The following NAA60 variants were observed in gnomAD, a reference collection of about 807,000 sequenced individuals.
NAA60 encodes the protein N-alpha-acetyltransferase 60, NatF catalytic subunit.
NAA60 carries 8 observed loss-of-function variants against 26.1 expected under a neutral mutation model. The ratio of observed to expected loss-of-function variants is 0.31; its 90% confidence interval spans 0.18 to 0.55. The LOEUF is 0.55. Among genes scored for constraint, NAA60 ranks in the 20% least tolerant of loss-of-function variants. The pLI is 0.93. For missense variants in NAA60, 290 were observed against 311.3 expected (o/e 0.93, Z 0.51); for synonymous variants, 131 against 122.5 (o/e 1.07, Z -0.46).
chr16:3,483,559 C>T lies in NAA60; in HGVS notation c.534C>T (p.Val178=), dbSNP rs770159785. 2 of 1,612,854 alleles carry T rather than the reference C, an allele frequency of 1.2e-6. No individual in the cohort carries two copies. Among genetic ancestry groups the T allele is most frequent in the Non-Finnish European group, 1.7e-6 (2 of 1,179,612 alleles). ...RGVLKDGFTY[V]LYINGGHPPW... ...TCCTCAAAGATGGCTTCACCTATGT[C>T]CTCTACATCAACGGCGGCCACCCTC... The change falls in exon 6 of 8, where the codon GTC becomes GTT. Residue 178 remains valine (V), a synonymous_variant. Coordinates refer to ENST00000407558, the MANE Select transcript of NAA60 (RefSeq NM_001083601.3).
intron 5 of NAA60, 66 bp from the exon 6 acceptor site, chr16:3,483,297 T>C: frequency 8.2e-7 from 1 of 1,219,720 alleles, no homozygotes; most frequent in African/African-American, 1.5e-5. Context: ...AAAGCCCCCA[T>C]CCTAGCCCAG....
chr16:3,464,496 C>T (rs1211831840), intron 2 of NAA60, among the ~76,000 whole-genome samples: 2 of 152,152 alleles, frequency 1.3e-5, no homozygotes, highest in Non-Finnish European at 2.9e-5. Flanking sequence ...GGGCTTTCTC[C>T]TTTTAAACTG....
intron 2 of NAA60, among the ~76,000 whole-genome samples, chr16:3,460,634 G>A (rs1426609645): frequency 1.3e-5 from 2 of 152,160 alleles, no homozygotes; most frequent in Non-Finnish European, 2.9e-5. Context: ...CAAAGTTCTG[G>A]GATTACAGGC....
At chr16:3,455,090 T>A (rs1186629624) in intron 2 of NAA60, among the ~76,000 whole-genome samples, 1 of 152,240 alleles carries the variant, frequency 6.6e-6, no homozygotes, top group Non-Finnish European at 1.5e-5. Flanking sequence ...GTCACTTTGT[T>A]GCCCAGGCTG....
intron 3 of NAA60, among the ~76,000 whole-genome samples, chr16:3,478,088 T>TAATAATAAA (rs543097524): frequency 0.059 from 8,787 of 150,100 alleles, 359 homozygotes; most frequent in Non-Finnish European, 0.079. Context: ...ATAATAATAA[T>TAATAATAAA]AAATAGGCCT....
chr16:3,466,285 G>T (rs1198984555), intron 2 of NAA60, among the ~76,000 whole-genome samples: 3 of 152,218 alleles, frequency 2.0e-5, no homozygotes, highest in Admixed American at 6.5e-5. Flanking sequence ...GCACATGATG[G>T]TCTTCAGAGA....
chr16:3,461,728 C>G (rs2035407732), intron 2 of NAA60, among the ~76,000 whole-genome samples: 1 of 152,108 alleles, frequency 6.6e-6, no homozygotes, highest in Non-Finnish European at 1.5e-5. Context: ...ACATGCAGAA[C>G]AAATGTTTGA....
chr16:3,482,882 C>T, intron 5 of NAA60: 1 of 540,010 alleles, frequency 1.9e-6, no homozygotes, highest in Non-Finnish European at 3.4e-6. Context: ...ACTGGCACCT[C>T]TCACTTCTGC....
At chr16:3,443,884 C>A (rs1438882733) in intron 1 of NAA60, 47 bp downstream of exon 1, 4 of 1,511,710 alleles carry the variant, frequency 2.6e-6, no homozygotes, top group Non-Finnish European at 3.5e-6. Flanking sequence ...TTCGGTCTGG[C>A]CAGAGCAAGG....
At position 3,456,636 on chromosome 16, in the gene NAA60, AG is replaced by A. The variant is rs528343167; in HGVS notation, c.-7+8098del. ...ACATAGCCTGATCCTGCTGCAGGAG[AG>A]GCTGAGAAATAAAAGCCTAGCTTGA... On this transcript the variant is annotated intron_variant, in intron 2 of 7. Coordinates refer to ENST00000407558, the MANE Select transcript of NAA60 (RefSeq NM_001083601.3). The A allele has an allele frequency of 1.2e-3, 178 of 152,222 alleles. 1 individual carries two copies. Among genetic ancestry groups the A allele is most frequent in the African/African-American group, 4.0e-3 (167 of 41,522 alleles). 9.4% of individuals were successfully genotyped at this position (152,222 alleles called of 1,614,324 possible). A position where few individuals can be genotyped will look rare whatever the true frequency, so the allele number is the denominator to read the frequency against.
chr16:3,469,938 T>G (rs757386840), intron 2 of NAA60, among the ~76,000 whole-genome samples: 28 of 152,208 alleles, frequency 1.8e-4, no homozygotes, highest in Middle Eastern at 3.2e-3. Context: ...CGTGTCTGTC[T>G]CACCATCACT....
At chr16:3,483,953 T>C (rs1330971228) in intron 6 of NAA60, among the ~76,000 whole-genome samples, 1 of 152,178 alleles carries the variant, frequency 6.6e-6, no homozygotes, top group African/African-American at 2.4e-5. Context: ...CAGGATCCCC[T>C]GTCCTCCCAG....
rs558282030 is a variant in NAA60 at position 3,482,839 on chromosome 16, G to T, written c.337+241G>T. ...CATGCCCCCAGGCCTTTCTGCTGCA[G>T]CCTCGCTCAGCCCCCAGGATGGAGC... On this transcript the variant is annotated intron_variant, in intron 5 of 7. Transcript: ENST00000407558. The T allele has an allele frequency of 3.2e-4, 181 of 569,860 alleles. 1 individual carries two copies. Among genetic ancestry groups the T allele is most frequent in the African/African-American group, 3.1e-3 (165 of 53,348 alleles). 35.3% of individuals were successfully genotyped at this position (569,860 alleles called of 1,614,324 possible).
At position 3,483,464 on chromosome 16, in the gene NAA60, A is replaced by G. The variant is rs1342783154; in HGVS notation, c.439A>G (p.Ile147Val). ...LHVLTTNNTA[I>V]NFYENRDFKQ... ...TGTCCTCACCACCAACAACACAGCA[A>G]TAAACTTCTATGAAAACAGAGACTT... Residue 147 changes from isoleucine to valine, a missense_variant, in exon 6 of 8, where the codon ATA becomes GTA. Coordinates refer to ENST00000407558, the MANE Select transcript of NAA60 (RefSeq NM_001083601.3). The G allele has an allele frequency of 6.2e-7, 1 of 1,614,022 alleles. No individual in the cohort carries two copies. Among genetic ancestry groups the G allele is most frequent in the Non-Finnish European group, 8.5e-7 (1 of 1,179,882 alleles).
chr16:3,459,542 T>A (rs950903657), intron 2 of NAA60, among the ~76,000 whole-genome samples: 2 of 152,202 alleles, frequency 1.3e-5, no homozygotes, highest in African/African-American at 4.8e-5. Flanking sequence ...CAGTGAAGGC[T>A]AGTCTTCATC....
At chr16:3,479,632 G>A in intron 4 of NAA60, 32 bp downstream of exon 4, 1 of 1,610,802 alleles carries the variant, frequency 6.2e-7, no homozygotes, top group Non-Finnish European at 8.5e-7. Context: ...GGACTTGGCA[G>A]TCACTGTCAT....
At chr16:3,450,665 A>C (rs894500887) in intron 2 of NAA60, among the ~76,000 whole-genome samples, 2 of 140,014 alleles carry the variant, frequency 1.4e-5, no homozygotes, top group Non-Finnish European at 3.0e-5. Context: ...GTGCCACTGC[A>C]CTCCAGCCTG....
At position 3,484,953 on chromosome 16, in the gene NAA60, C is replaced by T. The variant is rs1227496479; in HGVS notation, c.*98C>T. On this transcript the variant is annotated 3_prime_UTR_variant, in exon 7 of 8. Transcript: ENST00000407558. ...CCCTTCTGTTTTCTGCAAGGAGCTG[C>T]CAGCCATCTAACTGGGCTCGTCGGC... The T allele has an allele frequency of 6.5e-7, 1 of 1,535,326 alleles. No homozygotes were observed. The highest frequency in any genetic ancestry group is 8.8e-7 in the Non-Finnish European group (1 of 1,142,826).
intron 2 of NAA60, among the ~76,000 whole-genome samples, chr16:3,458,683 A>G (rs550508193): frequency 1.3e-4 from 20 of 151,660 alleles, no homozygotes; most frequent in African/African-American, 4.4e-4. Flanking sequence ...CCTCCTCTGA[A>G]CTCCTGAAAG....
Sources: allele counts gnomAD v4.1 joint callset (sites outside exome capture counted in the v4.1 genomes callset), GRCh38; gene constraint gnomAD v4.1.1; transcripts MANE v1.5; gene names NCBI Gene and HGNC (gene_info 2026-07-23, HGNC 2026-07-21).